Variants in FRMD3 observed in about 807,000 individuals in gnomAD.
FRMD3 encodes the protein FERM domain containing 3, also known as FERM domain-containing protein 3.
FRMD3 carries 33 observed loss-of-function variants against 70.2 expected under a neutral mutation model. That is an observed-to-expected ratio of 0.47 (90% confidence interval 0.36 to 0.63). The LOEUF (loss-of-function observed/expected upper bound fraction) is 0.63. Ranked by LOEUF, FRMD3 falls within the 20% of genes least tolerant of loss-of-function variation. FRMD3 has a pLI of 0.00. For missense variants in FRMD3, 632 were observed against 711.4 expected (o/e 0.89, Z 1.27); for synonymous variants, 279 against 255.9 (o/e 1.09, Z -0.86).
At chr9:83,295,979 A>G (rs1302419626) in intron 12 of FRMD3, among the ~76,000 whole-genome samples, 2 of 152,250 alleles carry the variant, frequency 1.3e-5, no homozygotes, top group African/African-American at 2.4e-5. Flanking sequence ...ACATAAACAC[A>G]CACACCTCAG....
the FRMD3 span, among the ~76,000 whole-genome samples, chr9:83,566,600 A>G: frequency 1.2e-4 from 18 of 152,216 alleles, no homozygotes; most frequent in Admixed American, 1.2e-3. Flanking sequence ...GTTACTTCCT[A>G]GATACAATGG....
chr9:83,569,133 A>G, the FRMD3 span, among the ~76,000 whole-genome samples: 1 of 152,144 alleles, frequency 6.6e-6, no homozygotes, highest in Non-Finnish European at 1.5e-5. Flanking sequence ...AAAAAAGGAG[A>G]ATATGGGCAC....
At chr9:83,365,823 A>C (rs1202131266) in intron 3 of FRMD3, among the ~76,000 whole-genome samples, 1 of 152,192 alleles carries the variant, frequency 6.6e-6, no homozygotes, top group Non-Finnish European at 1.5e-5. Context: ...AGTTTCCCTG[A>C]GGCTGAGCAG....
intron 1 of FRMD3, among the ~76,000 whole-genome samples, chr9:83,492,053 A>T (rs892963029): frequency 6.6e-6 from 1 of 152,194 alleles, no homozygotes; most frequent in African/African-American, 2.4e-5. Context: ...GAATGTAAAA[A>T]TGTGTGTGCA....
chr9:83,447,074 G>A (rs561475972), intron 1 of FRMD3, among the ~76,000 whole-genome samples: 13 of 152,132 alleles, frequency 8.5e-5, no homozygotes, highest in South Asian at 2.1e-4. Flanking sequence ...CCCAGGCTGG[G>A]CTGCAGTGGC....
At chr9:83,324,583 C>T (rs1835936514) in intron 6 of FRMD3, among the ~76,000 whole-genome samples, 2 of 152,076 alleles carry the variant, frequency 1.3e-5, no homozygotes, top group South Asian at 4.1e-4. Flanking sequence ...TTACGCAGTC[C>T]ACAAGGACCC....
intron 1 of FRMD3, among the ~76,000 whole-genome samples, chr9:83,429,102 A>G (rs1213839485): frequency 2.6e-5 from 4 of 152,234 alleles, no homozygotes; most frequent in Admixed American, 2.6e-4. Flanking sequence ...ATAATTCATG[A>G]GAATTAACGT....
intron 6 of FRMD3, among the ~76,000 whole-genome samples, chr9:83,315,752 C>A (rs1417799911): frequency 6.6e-6 from 1 of 152,208 alleles, no homozygotes; most frequent in Non-Finnish European, 1.5e-5. Flanking sequence ...ACAACTAATA[C>A]AACATGTATC....
chr9:83,469,153 T>G (rs1435698800), intron 1 of FRMD3, among the ~76,000 whole-genome samples: 1 of 152,248 alleles, frequency 6.6e-6, no homozygotes, highest in Non-Finnish European at 1.5e-5. Flanking sequence ...AGAGCAGGGA[T>G]GAAGACTTAC....
At chr9:83,383,785 G>A (rs1441812785) in intron 2 of FRMD3, among the ~76,000 whole-genome samples, 1 of 152,194 alleles carries the variant, frequency 6.6e-6, no homozygotes, top group Non-Finnish European at 1.5e-5. Flanking sequence ...AGATAACCAG[G>A]TCATGTGTTT....
chr9:83,565,853 T>C, the FRMD3 span, among the ~76,000 whole-genome samples: 10 of 152,330 alleles, frequency 6.6e-5, no homozygotes, highest in African/African-American at 2.4e-4. Context: ...GTTAGGAAAT[T>C]GGTCTCCTTT....
chr9:83,335,175 G>A (rs3860899), intron 6 of FRMD3, among the ~76,000 whole-genome samples: 132,831 of 152,224 alleles, frequency 0.87, 58,112 homozygotes, highest in African/African-American at 0.88. Flanking sequence ...TGGGAAAAAG[G>A]CAACACAAAA....
chr9:83,452,683 C>T (rs1392189870), intron 1 of FRMD3, among the ~76,000 whole-genome samples: 4 of 151,872 alleles, frequency 2.6e-5, no homozygotes, highest in African/African-American at 9.7e-5. Flanking sequence ...GGGGTTTCAC[C>T]GTGTTAGCCA....
At chr9:83,255,625 C>A (rs1832670696) in intron 13 of FRMD3, among the ~76,000 whole-genome samples, 1 of 151,962 alleles carries the variant, frequency 6.6e-6, no homozygotes, top group South Asian at 2.1e-4. Flanking sequence ...TCTAGAAAAC[C>A]CCATCGTCTC....
chr9:83,471,289 G>T (rs1403975384), intron 1 of FRMD3, among the ~76,000 whole-genome samples: 1 of 152,242 alleles, frequency 6.6e-6, no homozygotes, highest in Non-Finnish European at 1.5e-5. Context: ...TGGGCAACTT[G>T]TAAATTCCTA....
chr9:83,520,317 G>C (rs1327734074), intron 1 of FRMD3, among the ~76,000 whole-genome samples: 2 of 152,054 alleles, frequency 1.3e-5, no homozygotes, highest in African/African-American at 2.4e-5. Context: ...GAAAATAAAG[G>C]CATATGTATT....
intron 2 of FRMD3, among the ~76,000 whole-genome samples, chr9:83,389,223 C>T (rs1257768328): frequency 2.0e-5 from 3 of 152,122 alleles, no homozygotes; most frequent in African/African-American, 7.2e-5. Flanking sequence ...GCTGGGATTA[C>T]AGATGTGAGC....
intron 1 of FRMD3, among the ~76,000 whole-genome samples, chr9:83,491,798 T>G (rs1316498104): frequency 6.6e-6 from 1 of 152,232 alleles, no homozygotes; most frequent in Non-Finnish European, 1.5e-5. Flanking sequence ...TCTATTTAAC[T>G]GGGCATAGTT....
chr9:83,362,457 T>G (rs1447291391), intron 3 of FRMD3, among the ~76,000 whole-genome samples: 1 of 152,168 alleles, frequency 6.6e-6, no homozygotes, highest in Admixed American at 6.5e-5. Flanking sequence ...ATGGCTGAGT[T>G]GTATGCATGT....
Sources: gnomAD v4.1 joint callset for allele counts (sites outside exome capture counted in the v4.1 genomes callset) on GRCh38, gnomAD v4.1.1 for gene constraint, MANE v1.5 for transcripts, NCBI Gene and HGNC (gene_info 2026-07-23, HGNC 2026-07-21) for gene names.